CGNL1: variants seen among roughly 807,000 people sequenced by gnomAD.
The protein encoded by CGNL1 is cingulin-like protein 1.
CGNL1 carries 132 observed loss-of-function variants against 141.2 expected under a neutral mutation model. The observed-to-expected ratio is 0.93, with a 90% confidence interval of 0.81 to 1.08. The LOEUF is 1.08. Among genes scored for constraint, CGNL1 ranks in the 50% least tolerant of loss-of-function variants. The pLI, the probability that CGNL1 is intolerant of heterozygous loss-of-function variation, is 0.00. For missense variants in CGNL1, 1,870 were observed against 1,588.6 expected, an observed-to-expected ratio of 1.18 and a Z score of -3.01; for synonymous variants, 690 against 622.1, an observed-to-expected ratio of 1.11 and a Z score of -1.63.
At chr15:57,541,471 A>G (rs776732473) in intron 14 of CGNL1, among the ~76,000 whole-genome samples, 7 of 152,170 alleles carry the variant, frequency 4.6e-5, no homozygotes, top group African/African-American at 1.7e-4. Flanking sequence ...AGTAACAGCA[A>G]TTGTTCTGGT....
At chr15:57,463,153 C>A (rs966590974) in intron 8 of CGNL1, among the ~76,000 whole-genome samples, 3 of 152,032 alleles carry the variant, frequency 2.0e-5, no homozygotes, top group African/African-American at 7.2e-5. Flanking sequence ...CCTTTAAGGG[C>A]AGTTGAGAAT....
intron 13 of CGNL1, 114 bp downstream of exon 13, chr15:57,528,929 C>G (rs1005567370): frequency 8.9e-7 from 1 of 1,121,884 alleles, no homozygotes; most frequent in Non-Finnish European, 1.3e-6. Flanking sequence ...GATTTTTATT[C>G]TCTCCCACAG....
intron 8 of CGNL1, among the ~76,000 whole-genome samples, chr15:57,492,668 G>A (rs532645866): frequency 6.7e-6 from 1 of 150,042 alleles, no homozygotes; most frequent in East Asian, 2.0e-4. Context: ...AAGGAAACAC[G>A]ATCAACTTCA....
intron 3 of CGNL1, among the ~76,000 whole-genome samples, chr15:57,441,249 G>T (rs567286267): frequency 1.1e-4 from 17 of 151,530 alleles, no homozygotes; most frequent in African/African-American, 3.9e-4. Context: ...TTTGAAAGGG[G>T]GAAAAAAAAA....
At chr15:57,497,856 G>T (rs1259809043) in intron 8 of CGNL1, among the ~76,000 whole-genome samples, 2 of 152,246 alleles carry the variant, frequency 1.3e-5, no homozygotes, top group African/African-American at 4.8e-5. Flanking sequence ...GTATAGGGAG[G>T]CATTTCTTTC....
chr15:57,546,103 C>T lies in CGNL1; in HGVS notation c.3637C>T (p.Arg1213Trp), dbSNP rs766830806. The part of the protein sequence containing the change: ...QLSLRLKAMK[R>W]QVEEAEEEID... ...GAGCTTGCGTTTGAAAGCCATGAAG[C>T]GGCAGGTGGAGGAGGCTGAGGAGGA... Residue 1213 changes from arginine (R) to tryptophan (W), a missense_variant, in exon 18 of 19, where the codon CGG becomes TGG. By Grantham distance (101) the Arg-to-Trp change is moderately radical. Transcript: ENST00000281282. 9.3e-6 allele frequency: 15 copies of T among 1,613,334 alleles called. No individual in the cohort carries two copies. Among genetic ancestry groups the T allele is most frequent in the East Asian group, 6.7e-5 (3 of 44,872 alleles).
At chr15:57,497,444 G>T (rs2063956867) in intron 8 of CGNL1, among the ~76,000 whole-genome samples, 1 of 152,204 alleles carries the variant, frequency 6.6e-6, no homozygotes, top group African/African-American at 2.4e-5. Flanking sequence ...TCTGGCATGT[G>T]TCTCTTGGCC....
Position 57,545,971 on chromosome 15 carries a change from C to T in CGNL1, c.3610-105C>T, listed in dbSNP as rs963105302. 2.1e-5 allele frequency: 28 copies of T among 1,302,754 alleles called. No homozygotes were observed. The African/African-American group carries it at 3.5e-4, about 16-fold the overall frequency. 80.7% of individuals were successfully genotyped at this position (1,302,754 alleles called of 1,614,324 possible). On this transcript the variant is annotated intron_variant, in intron 17 of 18. Transcript: ENST00000281282. Reference sequence around the variant, plus strand: ...TCCCAAGAGACTGGCTGCCCCATTGCCCATGTCTTGGTTGCCTGGGGAGAT... The same window carrying T: ...TCCCAAGAGACTGGCTGCCCCATTGTCCATGTCTTGGTTGCCTGGGGAGAT...
chr15:57,442,824 G>A (rs779906343), intron 4 of CGNL1, among the ~76,000 whole-genome samples: 23 of 152,134 alleles, frequency 1.5e-4, no homozygotes, highest in African/African-American at 5.3e-4. Context: ...TCACCATGTT[G>A]CTCAGGCTGG....
chr15:57,465,542 C>T (rs2063501279), intron 8 of CGNL1, among the ~76,000 whole-genome samples: 1 of 151,896 alleles, frequency 6.6e-6, no homozygotes, highest in Non-Finnish European at 1.5e-5. Context: ...AGGCATGCGC[C>T]ACCACACCTG....
chr15:57,412,815 T>C (rs1253100068), intron 1 of CGNL1, among the ~76,000 whole-genome samples: 1 of 152,216 alleles, frequency 6.6e-6, no homozygotes, highest in Non-Finnish European at 1.5e-5. Flanking sequence ...TGCTTCCAGC[T>C]CTACTCCCCT....
chr15:57,477,480 A>G lies in CGNL1; in HGVS notation c.2403+15588A>G, dbSNP rs1042747443. 3.3e-5 allele frequency: 5 copies of G among 152,350 alleles called. No individual in the cohort carries two copies. In the East Asian group the frequency reaches 9.6e-4, roughly 29 times the overall value. 9.4% of individuals were successfully genotyped at this position (152,350 alleles called of 1,614,324 possible). On this transcript the variant is annotated intron_variant, in intron 8 of 18. Coordinates refer to ENST00000281282, the MANE Select transcript of CGNL1 (RefSeq NM_032866.5). ...GCAGTGAGGTTGTCCGATAGAGTCC[A>G]TCTGGGGAAGTATTTTGAGCCAGTT... is the stretch of plus-strand genomic sequence containing the variant.
chr15:57,481,794 A>G (rs2152362837), intron 8 of CGNL1, among the ~76,000 whole-genome samples: 1 of 152,282 alleles, frequency 6.6e-6, no homozygotes, highest in Admixed American at 6.5e-5. Context: ...TGCAATTGCT[A>G]GGATGAATGG....
chr15:57,407,461 C>T (rs2062736300), intron 1 of CGNL1, among the ~76,000 whole-genome samples: 1 of 152,052 alleles, frequency 6.6e-6, no homozygotes, highest in African/African-American at 2.4e-5. Context: ...CTGCTTGAGA[C>T]CAGGAGTTTG....
intron 11 of CGNL1, 86 bp from the exon 12 acceptor site, chr15:57,524,492 AGAG>A (rs2031480390): frequency 1.7e-6 from 2 of 1,194,150 alleles, no homozygotes; most frequent in South Asian, 1.5e-5. Flanking sequence ...GAAAGGGAGA[AGAG>A]GAGATGTGCT....
At chr15:57,442,330 G>A (rs778325087) in intron 3 of CGNL1, 43 bp from the exon 4 acceptor site, 1 of 1,241,808 alleles carries the variant, frequency 8.1e-7, no homozygotes, top group Non-Finnish European at 1.2e-6. Context: ...TCTGAGACCA[G>A]TGGTTGTGTC....
At chr15:57,430,716 G>A (rs1395335892) in intron 1 of CGNL1, among the ~76,000 whole-genome samples, 2 of 152,064 alleles carry the variant, frequency 1.3e-5, no homozygotes, top group Non-Finnish European at 2.9e-5. Context: ...TTGAGTCCCA[G>A]TGACTCCACA....
At chr15:57,416,410 C>G (rs866795998) in intron 1 of CGNL1, among the ~76,000 whole-genome samples, 39 of 152,098 alleles carry the variant, frequency 2.6e-4, no homozygotes, top group African/African-American at 8.9e-4. Context: ...TCGTCAGGAA[C>G]ATTCTCATTT....
At chr15:57,492,823 G>A (rs1199414267) in intron 8 of CGNL1, among the ~76,000 whole-genome samples, 1 of 152,220 alleles carries the variant, frequency 6.6e-6, no homozygotes, top group Non-Finnish European at 1.5e-5. Context: ...AGAGAGAGGA[G>A]GTAGATGCTG....
Sources: gnomAD v4.1 joint callset for allele counts (sites outside exome capture counted in the v4.1 genomes callset) on GRCh38, gnomAD v4.1.1 for gene constraint, MANE v1.5 for transcripts, NCBI Gene and HGNC (gene_info 2026-07-23, HGNC 2026-07-21) for gene names.